Variants in AGBL4 observed in about 807,000 individuals in gnomAD.
The protein encoded by AGBL4 is cytosolic carboxypeptidase 6.
In AGBL4, 58 loss-of-function variants were observed where a neutral mutation model predicts 66.4. That is an observed-to-expected ratio of 0.87 (90% CI 0.71 to 1.09). The LOEUF (loss-of-function observed/expected upper bound fraction) is 1.09. Among genes scored for constraint, AGBL4 ranks in the 50% least tolerant of loss-of-function variants. The probability of loss-of-function intolerance (pLI) is 0.00; values close to 1 mark genes in which losing one functional copy is unlikely to be tolerated. For missense variants in AGBL4, 579 were observed against 631.0 expected (o/e 0.92, Z 0.88); for synonymous variants, 234 against 222.9 (o/e 1.05, Z -0.44).
intron 1 of AGBL4, among the ~76,000 whole-genome samples, chr1:49,955,829 T>C (rs1156942041): frequency 1.3e-5 from 2 of 151,958 alleles, no homozygotes. Context: ...GCAATCACTC[T>C]GTGCCAATTT....
chr1:49,448,204 T>C (rs1646201524), intron 3 of AGBL4, among the ~76,000 whole-genome samples: 1 of 152,210 alleles, frequency 6.6e-6, no homozygotes, highest in South Asian at 2.1e-4. Flanking sequence ...GAAAGCCAAC[T>C]ACTTGCTTTA....
chr1:49,789,749 T>C (rs372123925), intron 2 of AGBL4, among the ~76,000 whole-genome samples: 1 of 152,102 alleles, frequency 6.6e-6, no homozygotes, highest in Non-Finnish European at 1.5e-5. Context: ...AAAATGGCCA[T>C]ACAGAACAAA....
At chr1:48,661,027 C>T (rs567834216) in intron 7 of AGBL4, among the ~76,000 whole-genome samples, 131 of 152,264 alleles carry the variant, frequency 8.6e-4, no homozygotes, top group Admixed American at 1.3e-3. Context: ...CACAACAGCC[C>T]CATAAGATGA....
intron 5 of AGBL4, among the ~76,000 whole-genome samples, chr1:49,021,596 G>T (rs1663255603): frequency 6.6e-6 from 1 of 152,094 alleles, no homozygotes; most frequent in South Asian, 2.1e-4. Context: ...AACTATTTTG[G>T]CACCCTTACC....
chr1:49,737,227 T>C (rs1278981089), intron 2 of AGBL4, among the ~76,000 whole-genome samples: 1 of 152,158 alleles, frequency 6.6e-6, no homozygotes, highest in Admixed American at 6.5e-5. Context: ...AAAAGAAACA[T>C]GCACTTATAT....
intron 3 of AGBL4, among the ~76,000 whole-genome samples, chr1:49,665,782 C>A (rs1031591305): frequency 6.6e-6 from 1 of 151,818 alleles, no homozygotes; most frequent in African/African-American, 2.4e-5. Context: ...AAAATGAAAA[C>A]CCAATGACAG....
chr1:48,930,018 G>A (rs1270524138), intron 5 of AGBL4, among the ~76,000 whole-genome samples: 2 of 152,070 alleles, frequency 1.3e-5, no homozygotes, highest in African/African-American at 4.8e-5. Context: ...TCTATAACTG[G>A]AGGACTGGAA....
intron 6 of AGBL4, among the ~76,000 whole-genome samples, chr1:48,773,490 G>C (rs1644933855): frequency 6.6e-6 from 1 of 152,134 alleles, no homozygotes; most frequent in Non-Finnish European, 1.5e-5. Flanking sequence ...AGGCGGGTGG[G>C]GGACAGCTGT....
chr1:49,163,546 A>G (rs1377118414), intron 4 of AGBL4, among the ~76,000 whole-genome samples: 2 of 152,220 alleles, frequency 1.3e-5, no homozygotes, highest in Non-Finnish European at 2.9e-5. Context: ...TTGCTGGACT[A>G]TGAGCCTCTC....
At chr1:49,449,701 T>C (rs556775360) in intron 3 of AGBL4, among the ~76,000 whole-genome samples, 1 of 152,158 alleles carries the variant, frequency 6.6e-6, no homozygotes, top group Admixed American at 6.6e-5. Context: ...CGGTGGTTTT[T>C]CTTGGAAAAA....
chr1:49,054,678 A>G (rs900570479), intron 4 of AGBL4, among the ~76,000 whole-genome samples: 1 of 152,006 alleles, frequency 6.6e-6, no homozygotes, highest in Non-Finnish European at 1.5e-5. Context: ...TTTTATGTGA[A>G]GCTAACATTA....
intron 3 of AGBL4, among the ~76,000 whole-genome samples, chr1:49,411,627 T>C (rs1645316832): frequency 6.6e-6 from 1 of 152,190 alleles, no homozygotes; most frequent in Non-Finnish European, 1.5e-5. Flanking sequence ...ATAAGAAATA[T>C]ATGGAATAAA....
chr1:49,320,082 C>T (rs1350660396), intron 3 of AGBL4, among the ~76,000 whole-genome samples: 1 of 152,030 alleles, frequency 6.6e-6, no homozygotes, highest in Non-Finnish European at 1.5e-5. Flanking sequence ...CAGACGTATA[C>T]CACTACACCT....
intron 5 of AGBL4, among the ~76,000 whole-genome samples, chr1:48,996,817 CCCTTCCTTCCTTCCTT>C (rs58530293): frequency 1.4e-5 from 2 of 147,754 alleles, no homozygotes; most frequent in Non-Finnish European, 3.0e-5. Flanking sequence ...CTTCCTTCCT[CCCTTCCTTCCTTCCTT>C]CCTTCCTTCC....
chr1:49,984,559 A>G (rs1659344971), intron 1 of AGBL4, among the ~76,000 whole-genome samples: 1 of 152,096 alleles, frequency 6.6e-6, no homozygotes. Context: ...GTTCAGCACA[A>G]ACTCCCACCC....
chr1:49,493,159 G>C (rs1265842264), intron 3 of AGBL4, among the ~76,000 whole-genome samples: 6 of 151,968 alleles, frequency 3.9e-5, no homozygotes, highest in Non-Finnish European at 8.8e-5. Flanking sequence ...TACAATTCAG[G>C]ATGAGATTTG....
intron 3 of AGBL4, among the ~76,000 whole-genome samples, chr1:49,493,733 C>T (rs761322554): frequency 6.6e-6 from 1 of 151,966 alleles, no homozygotes; most frequent in African/African-American, 2.4e-5. Flanking sequence ...ATCTTAGTCA[C>T]TGGGACATGT....
intron 6 of AGBL4, among the ~76,000 whole-genome samples, chr1:48,801,130 C>T (rs905715999): frequency 1.3e-5 from 2 of 152,134 alleles, no homozygotes; most frequent in African/African-American, 4.8e-5. Context: ...TCACCCAGCT[C>T]CCACACAGCC....
chr1:49,879,948 C>T (rs1473124666), intron 1 of AGBL4, among the ~76,000 whole-genome samples: 12 of 145,832 alleles, frequency 8.2e-5, no homozygotes, highest in African/African-American at 2.3e-4. Flanking sequence ...TCCAGTTGAT[C>T]GCATCGGCTC....
Sources: allele counts gnomAD v4.1 joint callset (sites outside exome capture counted in the v4.1 genomes callset), GRCh38; gene constraint gnomAD v4.1.1; transcripts MANE v1.5; gene names NCBI Gene and HGNC (gene_info 2026-07-23, HGNC 2026-07-21).